SYNE2: variants seen among roughly 807,000 people sequenced by gnomAD.
The protein encoded by SYNE2 is nesprin-2.
A neutral mutation model predicts 856.3 loss-of-function variants in SYNE2; 431 were observed. The ratio of observed to expected loss-of-function variants is 0.50; its 90% CI spans 0.47 to 0.55. The LOEUF is 0.55. Ranked by LOEUF, SYNE2 falls within the 20% of genes least tolerant of loss-of-function variation. The pLI is 0.00. For synonymous variants in SYNE2, 2,923 were observed against 2,872.3 expected, an observed-to-expected ratio of 1.02 and a Z score of -0.56; for missense variants, 8,129 against 8,023.2, an observed-to-expected ratio of 1.01 and a Z score of -0.50.
chr14:63,793,456 T>C (rs1341088729), intron 1 of SYNE2, among the ~76,000 whole-genome samples: 1 of 152,260 alleles, frequency 6.6e-6, no homozygotes, highest in Non-Finnish European at 1.5e-5. Context: ...AAATTTCTAC[T>C]GCAGATAAAT....
At chr14:64,049,541 A>T in intron 46 of SYNE2, 70 bp from the exon 47 acceptor site, 2 of 1,531,230 alleles carry the variant, frequency 1.3e-6, no homozygotes, top group Non-Finnish European at 1.8e-6. Flanking sequence ...CTCAAAGAGG[A>T]AAGAAGATGA....
At chr14:64,150,104 T>C (rs2098227125) in intron 84 of SYNE2, among the ~76,000 whole-genome samples, 3 of 142,050 alleles carry the variant, frequency 2.1e-5, no homozygotes, top group Non-Finnish European at 4.5e-5. Flanking sequence ...CTTGAGCTCC[T>C]AGGCTTAAGA....
At chr14:63,914,978 A>G (rs1006843561) in intron 2 of SYNE2, among the ~76,000 whole-genome samples, 3 of 152,088 alleles carry the variant, frequency 2.0e-5, no homozygotes, top group Non-Finnish European at 4.4e-5. Flanking sequence ...GGGTTTTGCC[A>G]TGTTGCCCAG....
intron 79 of SYNE2, 141 bp downstream of exon 79, chr14:64,138,124 C>A: frequency 2.5e-6 from 2 of 814,794 alleles, no homozygotes; most frequent in Non-Finnish European, 4.0e-6. Flanking sequence ...GGTCCCTCTT[C>A]TGGGCTAAAC....
At chr14:64,040,944 C>CA (rs965139467) in intron 45 of SYNE2, among the ~76,000 whole-genome samples, 1 of 151,726 alleles carries the variant, frequency 6.6e-6, no homozygotes, top group African/African-American at 2.4e-5. Flanking sequence ...ACACCAGAGC[C>CA]AAAAAGAAGA....
At chr14:64,001,790 G>A in intron 28 of SYNE2, 144 bp from the exon 29 acceptor site, 1 of 903,060 alleles carries the variant, frequency 1.1e-6, no homozygotes, top group Admixed American at 1.8e-5. Context: ...AGGTATTAAT[G>A]TGATAATGTG....
rs1334836417 is a variant in SYNE2, at chr14:64,122,340, G to C, written c.13335G>C (p.Gln4445His). 1 of 1,613,972 alleles carries C rather than the reference G, an allele frequency of 6.2e-7. No homozygotes were observed. Among genetic ancestry groups the C allele is most frequent in the Non-Finnish European group, 8.5e-7 (1 of 1,180,028 alleles). The change falls in exon 70 of 116, where the codon CAG (glutamine) becomes CAC (histidine). Residue 4445 changes from glutamine (Q) to histidine (H), a missense_variant. This residue lies in a region of SYNE2 where 5,410 missense variants were observed against 5,284.8 expected (regional missense o/e 1.02). Coordinates refer to ENST00000555002, the MANE Select transcript of SYNE2 (RefSeq NM_182914.3). ...TTCCAGACTCGATCTTGTCACCCCA[G>C]GGCCAAAATGGAGATAAGTGGCAAT... ...NDVPDSILSP[Q>H]GQNGDKWQYL...
At chr14:63,784,176 C>A (rs1887427226) in intron 1 of SYNE2, among the ~76,000 whole-genome samples, 1 of 152,084 alleles carries the variant, frequency 6.6e-6, no homozygotes, top group Admixed American at 6.6e-5. Flanking sequence ...CTATACTATT[C>A]TTGCAAGTTT....
At chr14:63,962,823 GC>G (rs2096339134) in intron 9 of SYNE2, among the ~76,000 whole-genome samples, 1 of 152,188 alleles carries the variant, frequency 6.6e-6, no homozygotes, top group Non-Finnish European at 1.5e-5. Context: ...TTATAGGCGA[GC>G]CACTGTGCCC....
At chr14:64,086,702 CTTTTTTTT>C (rs56168321) in intron 57 of SYNE2, among the ~76,000 whole-genome samples, 1 of 64,652 alleles carries the variant, frequency 1.5e-5, no homozygotes, top group African/African-American at 6.1e-5. Context: ...GTATGCAGGT[CTTTTTTTT>C]TTTTTTTTTT....
chr14:64,124,859 C>T (rs1406968138), intron 70 of SYNE2, among the ~76,000 whole-genome samples: 6 of 151,986 alleles, frequency 3.9e-5, no homozygotes, highest in Non-Finnish European at 7.4e-5. Context: ...AAAAATTAGC[C>T]GGGCATGGTG....
intron 1 of SYNE2, among the ~76,000 whole-genome samples, chr14:63,815,837 A>G (rs1336798713): frequency 6.6e-6 from 1 of 152,146 alleles, no homozygotes; most frequent in South Asian, 2.1e-4. Flanking sequence ...CCTCAAATCT[A>G]TAAATCTCCA....
rs745968795 is a variant in SYNE2, at chr14:64,052,711, A to T, written c.8798A>T (p.Asn2933Ile). The T allele has an allele frequency of 1.2e-6, 2 of 1,613,864 alleles. No homozygotes were observed. Among genetic ancestry groups the T allele is most frequent in the East Asian group, 4.5e-5 (2 of 44,880 alleles). The change falls in exon 48 of 116, where the codon AAT becomes ATT. Residue 2933 changes from asparagine (N) to isoleucine (I), a missense_variant. Physicochemically the swap from Asn to Ile is moderately radical, Grantham distance 149. Around this residue, in one of 3 missense-constraint regions of SYNE2, gnomAD observed 5,410 missense variants for 5,284.8 expected, o/e 1.02. Coordinates refer to ENST00000555002, the MANE Select transcript of SYNE2 (RefSeq NM_182914.3). The stretch of plus-strand genomic sequence containing the variant: ...AACAGAATACAAAGATTCATTCAGA[A>T]TACATGTAATGAAGTGGAACACAAG... ...RTNRIQRFIQNTCNEVEHKIK... is the reference protein window; with the variant it reads ...RTNRIQRFIQITCNEVEHKIK...
intron 52 of SYNE2, among the ~76,000 whole-genome samples, chr14:64,071,936 T>G (rs1184702988): frequency 6.6e-6 from 1 of 152,188 alleles, no homozygotes; most frequent in Non-Finnish European, 1.5e-5. Flanking sequence ...GAGAATCACT[T>G]GAACCCAAGA....
chr14:63,853,011 C>G lies in SYNE2; in HGVS notation c.-184C>G, dbSNP rs1469426434. The G allele has an allele frequency of 6.6e-6, 1 of 151,638 alleles. No individual in the cohort carries two copies. Among genetic ancestry groups the G allele is most frequent in the Non-Finnish European group, 1.5e-5 (1 of 67,862 alleles). 9.4% of individuals were successfully genotyped at this position (151,638 alleles called of 1,614,324 possible). Reference sequence around the variant, plus strand: ...AAGGAGCGGAGCGCGCTCAGCTGCGCCCAGAGCCTTCGGCCGGACCTGAAA... The same window carrying G: ...AAGGAGCGGAGCGCGCTCAGCTGCGGCCAGAGCCTTCGGCCGGACCTGAAA... On this transcript the variant is annotated 5_prime_UTR_variant, in exon 1 of 116. Transcript: ENST00000555002.
At chr14:64,131,777 A>G (rs1276533460) in intron 76 of SYNE2, among the ~76,000 whole-genome samples, 1 of 152,188 alleles carries the variant, frequency 6.6e-6, no homozygotes, top group Non-Finnish European at 1.5e-5. Context: ...ATTTAGACTC[A>G]AAACAACTGA....
intron 51 of SYNE2, among the ~76,000 whole-genome samples, chr14:64,068,960 G>A (rs1472219214): frequency 1.3e-5 from 2 of 151,986 alleles, no homozygotes; most frequent in African/African-American, 4.8e-5. Flanking sequence ...GCTTGGGACT[G>A]AGGCTTGCAA....
At chr14:64,002,193 C>A in intron 29 of SYNE2, 112 bp downstream of exon 29, 2 of 955,946 alleles carry the variant, frequency 2.1e-6, no homozygotes, top group South Asian at 2.9e-5. Flanking sequence ...GAGTATAAGC[C>A]ATGACAGTTT....
At chr14:64,184,562 G>A (rs1225570775) in intron 96 of SYNE2, among the ~76,000 whole-genome samples, 1 of 152,210 alleles carries the variant, frequency 6.6e-6, no homozygotes, top group Non-Finnish European at 1.5e-5. Context: ...GACAGGCTGA[G>A]CTTCCTGCCA....
Sources: allele counts gnomAD v4.1 joint callset (sites outside exome capture counted in the v4.1 genomes callset), GRCh38; gene constraint gnomAD v4.1.1; regional missense constraint gnomAD v4.1.1; transcripts MANE v1.5; gene names NCBI Gene and HGNC (gene_info 2026-07-23, HGNC 2026-07-21).